GNAQ: variants seen among roughly 807,000 people sequenced by gnomAD.
GNAQ encodes G protein subunit alpha q, also known as guanine nucleotide-binding protein G(q) subunit alpha.
GNAQ carries 8 observed loss-of-function variants against 43.9 expected under a neutral mutation model. The observed-to-expected ratio is 0.18, with a 90% CI of 0.11 to 0.33. The LOEUF (loss-of-function observed/expected upper bound fraction) is 0.33, where lower values mean the gene tolerates loss of function less well. GNAQ is among the 10% of genes least tolerant of loss of function. The pLI, the probability that GNAQ is intolerant of heterozygous loss-of-function variation, is 1.00. For synonymous variants in GNAQ, 155 were observed against 170.7 expected (o/e 0.91, Z 0.71); for missense variants, 158 against 450.8 (o/e 0.35, Z 5.88).
chr9:77,993,192 T>C (rs946382225), intron 1 of GNAQ, among the ~76,000 whole-genome samples: 2 of 152,120 alleles, frequency 1.3e-5, no homozygotes, highest in East Asian at 3.9e-4. Flanking sequence ...ACCACAACAT[T>C]TATGGTATGC....
chr9:77,897,174 A>G (rs1012317907), intron 2 of GNAQ, among the ~76,000 whole-genome samples: 1 of 152,262 alleles, frequency 6.6e-6, no homozygotes, highest in African/African-American at 2.4e-5. Context: ...TTGGGGAATT[A>G]GTAGGCTAAC....
chr9:78,013,320 T>A (rs1823796193), intron 1 of GNAQ, among the ~76,000 whole-genome samples: 1 of 152,136 alleles, frequency 6.6e-6, no homozygotes, highest in Admixed American at 6.5e-5. Context: ...GACTTTTTTT[T>A]TTTTTATTAT....
At chr9:77,876,717 T>A (rs1170386202) in intron 2 of GNAQ, among the ~76,000 whole-genome samples, 1 of 152,142 alleles carries the variant, frequency 6.6e-6, no homozygotes, top group Non-Finnish European at 1.5e-5. Flanking sequence ...ATATGATAAG[T>A]ATTATTAGGA....
intron 2 of GNAQ, among the ~76,000 whole-genome samples, chr9:77,817,060 T>C (rs1483628881): frequency 6.6e-6 from 1 of 152,196 alleles, no homozygotes; most frequent in Non-Finnish European, 1.5e-5. Flanking sequence ...TCCCTGTAGC[T>C]GCTTTCTGTA....
chr9:77,728,965 C>A (rs1483426019), intron 5 of GNAQ, among the ~76,000 whole-genome samples: 1 of 152,156 alleles, frequency 6.6e-6, no homozygotes, highest in Non-Finnish European at 1.5e-5. Flanking sequence ...TGTTGTGAAT[C>A]TGGAACACTG....
chr9:77,940,959 G>A (rs547589828), intron 1 of GNAQ, among the ~76,000 whole-genome samples: 29 of 149,196 alleles, frequency 1.9e-4, no homozygotes, highest in South Asian at 1.7e-3. Flanking sequence ...GCGAGACTCC[G>A]TCTCAAAAAA....
intron 5 of GNAQ, among the ~76,000 whole-genome samples, chr9:77,785,824 G>C (rs536077915): frequency 6.6e-6 from 1 of 152,256 alleles, no homozygotes; most frequent in Admixed American, 6.5e-5. Flanking sequence ...AAGCAATTGT[G>C]AAGTACTTAT....
chr9:78,025,391 A>G (rs1823964857), intron 1 of GNAQ, among the ~76,000 whole-genome samples: 1 of 152,212 alleles, frequency 6.6e-6, no homozygotes, highest in South Asian at 2.1e-4. Context: ...GAACAAGAGT[A>G]AACGTTCACG....
intron 2 of GNAQ, among the ~76,000 whole-genome samples, chr9:77,833,811 T>A (rs1827339787): frequency 6.6e-6 from 1 of 152,170 alleles, no homozygotes; most frequent in African/African-American, 2.4e-5. Flanking sequence ...ACCCTTTCTT[T>A]CGTAGAAATA....
Position 77,720,410 on chromosome 9 carries a change from C to A in GNAQ, c.*913G>T, listed in dbSNP as rs931594848. On this transcript the variant is annotated 3_prime_UTR_variant, in exon 7 of 7. Transcript: ENST00000286548. ...AAAGGAAAAGCTTGAACAACAACAA[C>A]AAAAAAATTAAGAACAACCTATAAA... The A allele has an allele frequency of 4.4e-4, 103 of 233,282 alleles. 2 individuals carry two copies. The highest frequency in any genetic ancestry group is 3.0e-4 in the East Asian group (5 of 16,554). The allele number at this position is 233,282 out of a possible 1,614,324, so 14.5% of individuals were successfully genotyped here.
intron 1 of GNAQ, among the ~76,000 whole-genome samples, chr9:77,957,686 G>A (rs1823059602): frequency 6.6e-6 from 1 of 152,172 alleles, no homozygotes; most frequent in Non-Finnish European, 1.5e-5. Context: ...ACAGGCAAAA[G>A]CGAGTCCATC....
At chr9:78,030,184 A>G (rs1824032253) in intron 1 of GNAQ, among the ~76,000 whole-genome samples, 1 of 152,178 alleles carries the variant, frequency 6.6e-6, no homozygotes, top group Non-Finnish European at 1.5e-5. Flanking sequence ...ATTTGTTGCC[A>G]AGAGAGTAAC....
chr9:77,941,528 C>T lies in GNAQ; in HGVS notation c.137-19183G>A, dbSNP rs1829315036. On this transcript the variant is annotated intron_variant, in intron 1 of 6. Transcript: ENST00000286548. ...CCTCCCAAAGTGCTGGGATTACAGG[C>T]GTGAGCCACCATGCCTGGCCAATAG... Among the ~76,000 whole-genome samples the T allele has an allele frequency of 5.3e-5, 8 of 152,240 alleles. No individual in the cohort carries two copies. In the South Asian group the frequency reaches 1.2e-3, roughly 24 times the overall value.
intron 2 of GNAQ, among the ~76,000 whole-genome samples, chr9:77,865,867 C>A (rs1827939874): frequency 1.3e-5 from 2 of 152,156 alleles, no homozygotes; most frequent in African/African-American, 2.4e-5. Flanking sequence ...TTAGTTGTAG[C>A]AATGCTCACT....
chr9:77,878,225 G>GT (rs373943232), intron 2 of GNAQ, among the ~76,000 whole-genome samples: 13,901 of 126,184 alleles, frequency 0.11, 1,336 homozygotes, highest in East Asian at 0.24. Context: ...GGTATTTGGT[G>GT]TTTTTTTTTT....
intron 1 of GNAQ, among the ~76,000 whole-genome samples, chr9:78,000,018 G>A (rs1223684463): frequency 6.6e-6 from 1 of 152,062 alleles, no homozygotes; most frequent in African/African-American, 2.4e-5. Flanking sequence ...TGCTTAGAAA[G>A]TACTAAAACC....
chr9:77,787,110 T>C (rs1416055117), intron 5 of GNAQ, among the ~76,000 whole-genome samples: 1 of 152,150 alleles, frequency 6.6e-6, no homozygotes, highest in Non-Finnish European at 1.5e-5. Context: ...TATAAAAAAG[T>C]TTAAAATAAC....
At chr9:77,757,166 C>A (rs1330537979) in intron 5 of GNAQ, among the ~76,000 whole-genome samples, 2 of 152,150 alleles carry the variant, frequency 1.3e-5, no homozygotes, top group East Asian at 3.8e-4. Flanking sequence ...TCGAGTTAAG[C>A]CCTGCTTGTA....
chr9:77,761,706 C>T (rs1410219051), intron 5 of GNAQ, among the ~76,000 whole-genome samples: 1 of 70,562 alleles, frequency 1.4e-5, no homozygotes, highest in African/African-American at 6.6e-5. Flanking sequence ...CCAGCCGACC[C>T]GTCTGGGAGG....
Sources: allele counts gnomAD v4.1 joint callset (sites outside exome capture counted in the v4.1 genomes callset), GRCh38; gene constraint gnomAD v4.1.1; transcripts MANE v1.5; gene names NCBI Gene and HGNC (gene_info 2026-07-23, HGNC 2026-07-21).